The following HIVEP2 variants were observed in gnomAD, a reference collection of about 807,000 sequenced individuals.
HIVEP2 encodes the protein HIVEP zinc finger 2, also known as transcription factor HIVEP2.
HIVEP2 carries 14 observed loss-of-function variants against 180.7 expected under a neutral mutation model. The ratio of observed to expected loss-of-function variants is 0.08; its 90% CI spans 0.05 to 0.12. The LOEUF (loss-of-function observed/expected upper bound fraction) is 0.12, where lower values mean the gene tolerates loss of function less well. HIVEP2 is among the 10% of genes least tolerant of loss of function. HIVEP2 has a pLI of 1.00. For synonymous variants in HIVEP2, 1,184 were observed against 1,136.4 expected (o/e 1.04, Z -0.84); for missense variants, 2,579 against 3,008.5 (o/e 0.86, Z 3.34).
At chr6:142,787,191 C>T (rs1377511619) in intron 2 of HIVEP2, among the ~76,000 whole-genome samples, 8 of 151,776 alleles carry the variant, frequency 5.3e-5, no homozygotes, top group Non-Finnish European at 7.4e-5. Context: ...AGGAGTTTGG[C>T]GCTGCAGTGA....
intron 3 of HIVEP2, among the ~76,000 whole-genome samples, chr6:142,776,798 G>A (rs899179698): frequency 3.3e-5 from 5 of 152,116 alleles, no homozygotes; most frequent in Admixed American, 6.5e-5. Flanking sequence ...CTCCCAAAGC[G>A]TTAGGATTAT....
chr6:142,942,193 C>T (rs1447222147), intron 1 of HIVEP2, among the ~76,000 whole-genome samples: 1 of 151,896 alleles, frequency 6.6e-6, no homozygotes, highest in Non-Finnish European at 1.5e-5. Context: ...AAAACTGAAA[C>T]CCAACCCAAA....
intron 1 of HIVEP2, among the ~76,000 whole-genome samples, chr6:142,853,553 G>A (rs1420477563): frequency 1.3e-5 from 2 of 152,154 alleles, no homozygotes; most frequent in African/African-American, 4.8e-5. Flanking sequence ...TTTAGAATTC[G>A]CCTAAGGCAA....
Position 142,849,698 on chromosome 6 carries a change from T to C in HIVEP2, c.-640-12651A>G, listed in dbSNP as rs111382694. ...CCTGGCTAATGTTTTTTGTATTTTT[T>C]TGTAGAGACAGGGTTTCACTATGTT... On this transcript the variant is annotated intron_variant, in intron 1 of 9. Transcript: ENST00000367603. Among the ~76,000 whole-genome samples, 1,379 of 152,172 alleles carry C rather than the reference T, an allele frequency of 9.1e-3. 23 individuals are homozygous for C. The highest frequency in any genetic ancestry group is 0.031 in the African/African-American group (1,302 of 41,508).
At chr6:142,870,843 A>G (rs1776274301) in intron 1 of HIVEP2, among the ~76,000 whole-genome samples, 1 of 152,186 alleles carries the variant, frequency 6.6e-6, no homozygotes, top group Non-Finnish European at 1.5e-5. Context: ...AACCCCTACC[A>G]CAAACAACCT....
At chr6:142,901,690 C>T (rs1777135404) in intron 1 of HIVEP2, among the ~76,000 whole-genome samples, 1 of 152,168 alleles carries the variant, frequency 6.6e-6, no homozygotes, top group Non-Finnish European at 1.5e-5. Flanking sequence ...GGTCCTATCA[C>T]ACATTCTCAT....
At chr6:142,926,672 C>A (rs1777818795) in intron 1 of HIVEP2, among the ~76,000 whole-genome samples, 1 of 152,182 alleles carries the variant, frequency 6.6e-6, no homozygotes, top group African/African-American at 2.4e-5. Flanking sequence ...GCTGTGGTCC[C>A]CGCGAGCCCA....
chr6:142,804,385 T>C (rs1776493600), intron 2 of HIVEP2, among the ~76,000 whole-genome samples: 1 of 152,112 alleles, frequency 6.6e-6, no homozygotes, highest in East Asian at 1.9e-4. Context: ...CTTGACACCA[T>C]GATAATTTTT....
chr6:142,755,346 C>A (rs1436810689), intron 9 of HIVEP2, among the ~76,000 whole-genome samples: 1 of 152,100 alleles, frequency 6.6e-6, no homozygotes, highest in Non-Finnish European at 1.5e-5. Context: ...TAGACAAAAT[C>A]CCCCTTGTAT....
rs144805641 is a variant in HIVEP2 at position 142,887,006 on chromosome 6, G to T, written c.-640-49959C>A. Among the ~76,000 whole-genome samples, 9 of 152,214 alleles carry T rather than the reference G, an allele frequency of 5.9e-5. No homozygotes were observed. In the East Asian group the frequency reaches 1.5e-3, roughly 26 times the overall value. ...TGTGCATATGTGTCAACAGTATGTG[G>T]CCTAGTTTAAAGAACCTAAATGGAA... On this transcript the variant is annotated intron_variant, in intron 1 of 9. Transcript: ENST00000367603.
chr6:142,790,772 C>T (rs1263560420), intron 2 of HIVEP2, among the ~76,000 whole-genome samples: 2 of 152,194 alleles, frequency 1.3e-5, no homozygotes, highest in East Asian at 3.9e-4. Flanking sequence ...ATATAACAGG[C>T]TGACCTTGCC....
In HIVEP2 at chr6:142,813,843, G is replaced by A. The variant is rs189417423; in HGVS notation, c.-528+23092C>T. 1.6e-4 allele frequency among the ~76,000 whole-genome samples: 25 copies of A among 152,004 alleles called. No individual in the cohort carries two copies. The East Asian group carries it at 4.7e-3, about 28-fold the overall frequency. On this transcript the variant is annotated intron_variant, in intron 2 of 9. Coordinates refer to ENST00000367603, the MANE Select transcript of HIVEP2 (RefSeq NM_006734.4). ...AGCCTCCCAAAGTGCTGGGATTACAGGCATGAGCCACCATGCCTGGCCTCA... is the reference window on the plus strand; with the variant it reads ...AGCCTCCCAAAGTGCTGGGATTACAAGCATGAGCCACCATGCCTGGCCTCA...
At chr6:142,857,284 A>C (rs529322080) in intron 1 of HIVEP2, among the ~76,000 whole-genome samples, 1 of 152,226 alleles carries the variant, frequency 6.6e-6, no homozygotes, top group African/African-American at 2.4e-5. Context: ...CCAAATAAAA[A>C]GAGAATTCAA....
intron 1 of HIVEP2, among the ~76,000 whole-genome samples, chr6:142,843,911 C>T (rs1387076968): frequency 6.6e-6 from 1 of 152,170 alleles, no homozygotes; most frequent in Non-Finnish European, 1.5e-5. Flanking sequence ...TTAAGACTTT[C>T]AGAGCATTAG....
rs568933487 is a variant in HIVEP2 at position 142,844,293 on chromosome 6, C to CA, written c.-640-7247_-640-7246insT. ...CAAACATAAACATTCAATCTCTAAA[C>CA]TTTTTTTTTTTAATGAAGAGAATTG... On this transcript the variant is annotated intron_variant, in intron 1 of 9. Transcript: ENST00000367603. 1.5e-3 allele frequency among the ~76,000 whole-genome samples: 226 copies of CA among 147,388 alleles called. 1 individual carries two copies. Among genetic ancestry groups the CA allele is most frequent in the Admixed American group, 3.5e-3 (51 of 14,776 alleles).
chr6:142,862,776 TGTA>T (rs1327083384), intron 1 of HIVEP2, among the ~76,000 whole-genome samples: 1 of 135,738 alleles, frequency 7.4e-6, no homozygotes, highest in Non-Finnish European at 1.5e-5. Flanking sequence ...ATATATTATA[TGTA>T]ATTATATTAC....
Position 142,753,570 on chromosome 6 carries a change from G to A in HIVEP2, c.6878C>T (p.Ser2293Phe). 6.2e-7 allele frequency: 1 copy of A among 1,614,214 alleles called. No homozygotes were observed. Among genetic ancestry groups the A allele is most frequent in the East Asian group, 2.2e-5 (1 of 44,884 alleles). ...AGAGGAGGGAGTGCTAGGTGGACCA[G>A]ATGACTGCAAAGCGTGAGGACCTCG... The part of the protein sequence containing the change: ...EKRGPHALQS[S>F]GPPSTPSSPR... The change falls in exon 10 of 10, where the codon TCT becomes TTT. Residue 2293 changes from serine (S) to phenylalanine (F), a missense_variant. Transcript: ENST00000367603.
At position 142,943,601 on chromosome 6, in the gene HIVEP2, T is replaced by G. The variant is rs1280360060; in HGVS notation, c.-641+1498A>C. On this transcript the variant is annotated intron_variant, in intron 1 of 9. Transcript: ENST00000367603. This position sits in a 1 kb window ranked among gnomAD's most constrained non-coding sequence, Gnocchi z 4.5. ...AAAAACACAGATCTCTTGTGAATTA[T>G]TGAGGTCCAGCTTTAGGGTTGGGGG... 6.6e-6 allele frequency among the ~76,000 whole-genome samples: 1 copy of G among 152,182 alleles called. No individual in the cohort carries two copies. The highest frequency in any genetic ancestry group is 2.4e-5 in the African/African-American group (1 of 41,438).
intron 1 of HIVEP2, among the ~76,000 whole-genome samples, chr6:142,849,761 T>C (rs1409048791): frequency 6.6e-6 from 1 of 152,102 alleles, no homozygotes; most frequent in East Asian, 1.9e-4. Context: ...TCAAGTGATC[T>C]GATTGCCTTG....
Sources: allele counts gnomAD v4.1 joint callset (sites outside exome capture counted in the v4.1 genomes callset), GRCh38; gene constraint gnomAD v4.1.1; non-coding constraint Gnocchi (gnomAD v3.1); transcripts MANE v1.5; gene names NCBI Gene and HGNC (gene_info 2026-07-23, HGNC 2026-07-21).